Variants in TANC2 observed in about 807,000 individuals in gnomAD.
TANC2 encodes tetratricopeptide repeat, ankyrin repeat and coiled-coil containing 2, also known as protein TANC2.
TANC2 carries 26 observed loss-of-function variants against 210.5 expected under a neutral mutation model. That is an observed-to-expected ratio of 0.12 (90% confidence interval 0.09 to 0.17). The LOEUF is 0.17. TANC2 is among the 10% of genes least tolerant of loss of function. The pLI is 1.00. For missense variants in TANC2, 2,129 were observed against 2,608.9 expected (o/e 0.82, Z 4.01); for synonymous variants, 931 against 967.1 (o/e 0.96, Z 0.69).
chr17:63,025,518 A>AG (rs1405463420), intron 2 of TANC2, among the ~76,000 whole-genome samples: 3 of 152,112 alleles, frequency 2.0e-5, no homozygotes, highest in Admixed American at 1.3e-4. Flanking sequence ...ATCACGGGGC[A>AG]GGCATGGTAG....
At chr17:63,382,954 G>A (rs902202763) in intron 15 of TANC2, among the ~76,000 whole-genome samples, 2 of 152,106 alleles carry the variant, frequency 1.3e-5, no homozygotes, top group African/African-American at 2.4e-5. Flanking sequence ...AGATTCTCTT[G>A]CAGAGTTTTT....
At chr17:63,183,284 T>G (rs996222752) in intron 5 of TANC2, among the ~76,000 whole-genome samples, 2 of 152,228 alleles carry the variant, frequency 1.3e-5, no homozygotes, top group African/African-American at 4.8e-5. Context: ...TCCACAGAAA[T>G]AATTCCTATT....
At chr17:62,998,887 C>T (rs927320700) in intron 1 of TANC2, among the ~76,000 whole-genome samples, 1 of 152,162 alleles carries the variant, frequency 6.6e-6, no homozygotes, top group African/African-American at 2.4e-5. Flanking sequence ...ATGACAGGAT[C>T]AAATCCACAT....
At chr17:63,069,209 T>C (rs2036310877) in intron 2 of TANC2, among the ~76,000 whole-genome samples, 2 of 152,328 alleles carry the variant, frequency 1.3e-5, no homozygotes, top group South Asian at 4.1e-4. Context: ...TTGATAATTA[T>C]GATTGTTATG....
intron 3 of TANC2, among the ~76,000 whole-genome samples, chr17:63,075,673 C>T (rs1480961523): frequency 6.6e-6 from 1 of 152,150 alleles, no homozygotes; most frequent in Admixed American, 6.5e-5. Flanking sequence ...GATGGGATTA[C>T]AGGCCCGGCT....
chr17:63,018,286 T>C (rs953768514), intron 2 of TANC2, among the ~76,000 whole-genome samples: 4 of 140,950 alleles, frequency 2.8e-5, no homozygotes, highest in Admixed American at 7.1e-5. Flanking sequence ...GAAGTCGGGG[T>C]TCAAGACCAA....
At chr17:63,094,065 T>C (rs1303065524) in intron 3 of TANC2, among the ~76,000 whole-genome samples, 1 of 152,204 alleles carries the variant, frequency 6.6e-6, no homozygotes, top group East Asian at 1.9e-4. Flanking sequence ...ATTTTCCAAA[T>C]GTTCATTGCT....
chr17:63,403,172 A>T (rs1399648933), intron 19 of TANC2, among the ~76,000 whole-genome samples: 3 of 152,220 alleles, frequency 2.0e-5, no homozygotes, highest in Admixed American at 1.3e-4. Context: ...GGTTGTGAAT[A>T]TTCAGATGTG....
chr17:63,123,274 T>C (rs1187628468), intron 4 of TANC2, among the ~76,000 whole-genome samples: 4 of 151,944 alleles, frequency 2.6e-5, no homozygotes, highest in Non-Finnish European at 5.9e-5. Flanking sequence ...AGGGGAAATG[T>C]GGGCCAGGCG....
intron 4 of TANC2, among the ~76,000 whole-genome samples, chr17:63,119,870 A>G (rs1598426592): frequency 6.6e-6 from 1 of 152,184 alleles, no homozygotes; most frequent in African/African-American, 2.4e-5. Context: ...TTTTTAAAAA[A>G]TTAGCCAGGC....
chr17:63,128,857 T>G (rs2038810447), intron 4 of TANC2, among the ~76,000 whole-genome samples: 1 of 152,194 alleles, frequency 6.6e-6, no homozygotes, highest in East Asian at 1.9e-4. Flanking sequence ...TAATTGTGAG[T>G]GGAAATTTGT....
intron 2 of TANC2, among the ~76,000 whole-genome samples, chr17:63,046,325 C>CTTTT (rs57550590): frequency 0.014 from 639 of 44,140 alleles, 175 homozygotes; most frequent in South Asian, 0.019. Flanking sequence ...ACACCCAGCT[C>CTTTT]TTTTTTTTTT....
chr17:63,275,665 T>C (rs989971914), intron 9 of TANC2, among the ~76,000 whole-genome samples: 1 of 152,138 alleles, frequency 6.6e-6, no homozygotes, highest in African/African-American at 2.4e-5. Context: ...CATTATTTCA[T>C]CCCTACAAGT....
chr17:63,175,315 C>T (rs902724874), intron 5 of TANC2, among the ~76,000 whole-genome samples: 1 of 151,842 alleles, frequency 6.6e-6, no homozygotes, highest in African/African-American at 2.4e-5. Context: ...TTGCTTAAAC[C>T]TAGGAGTTTG....
intron 11 of TANC2, among the ~76,000 whole-genome samples, chr17:63,326,843 A>G (rs992764883): frequency 3.9e-5 from 6 of 152,222 alleles, no homozygotes; most frequent in African/African-American, 1.2e-4. Context: ...AAAAGAGCTC[A>G]AAAGTACAGG....
chr17:63,313,616 A>G (rs1318643468), intron 9 of TANC2: 1 of 152,218 alleles, frequency 6.6e-6, no homozygotes, highest in Non-Finnish European at 1.5e-5. Flanking sequence ...ATTGGCATCA[A>G]TAGTAAGCAG....
exon 13 of TANC2, chr17:63,351,345 T>C: frequency 6.2e-7 from 1 of 1,611,136 alleles, no homozygotes; most frequent in South Asian, 1.1e-5. Context: ...AATTGTATCG[T>C]TTCTGAGTAA....
At chr17:63,231,674 C>T (rs2042480310) in intron 7 of TANC2, among the ~76,000 whole-genome samples, 1 of 152,194 alleles carries the variant, frequency 6.6e-6, no homozygotes, top group African/African-American at 2.4e-5. Flanking sequence ...TGGCCTTTCT[C>T]TCTGGCTGCC....
chr17:62,970,766 G>T (rs536422208), intron 1 of TANC2, among the ~76,000 whole-genome samples: 4 of 152,270 alleles, frequency 2.6e-5, no homozygotes, highest in African/African-American at 9.6e-5. Flanking sequence ...AATATTGTTG[G>T]ATTGAACTTA....
Sources: allele counts gnomAD v4.1 joint callset (sites outside exome capture counted in the v4.1 genomes callset), GRCh38; gene constraint gnomAD v4.1.1; transcripts MANE v1.5; gene names NCBI Gene and HGNC (gene_info 2026-07-23, HGNC 2026-07-21).